GABRG3: variants seen among roughly 807,000 people sequenced by gnomAD.
The protein encoded by GABRG3 is gamma-aminobutyric acid type A receptor subunit gamma3.
GABRG3 carries 25 observed loss-of-function variants against 48.8 expected under a neutral mutation model. That is an observed-to-expected ratio of 0.51 (90% CI 0.37 to 0.72). The LOEUF is 0.72. GABRG3 is among the 30% of genes least tolerant of loss of function. GABRG3 has a pLI of 0.00. For missense variants in GABRG3, 394 were observed against 577.9 expected (o/e 0.68, Z 3.26); for synonymous variants, 227 against 217.6 (o/e 1.04, Z -0.38).
chr15:27,179,894 C>A lies in GABRG3; in HGVS notation c.271-146915C>A, dbSNP rs1417579480. 6.6e-6 allele frequency among the ~76,000 whole-genome samples: 1 copy of A among 152,116 alleles called. No individual in the cohort carries two copies. Among genetic ancestry groups the A allele is most frequent in the African/African-American group, 2.4e-5 (1 of 41,462 alleles). ...GCATAAAATAAGCTGAATGTTTGTG[C>A]CCTGTTACCAGATTGTTCTCTTGAT... On this transcript the variant is annotated intron_variant, in intron 3 of 9. Transcript: ENST00000615808. This position sits in a 1 kb window ranked among gnomAD's most constrained non-coding sequence, Gnocchi z 4.0.
At chr15:27,413,247 A>G (rs549848519) in intron 5 of GABRG3, among the ~76,000 whole-genome samples, 2 of 152,300 alleles carry the variant, frequency 1.3e-5, no homozygotes, top group South Asian at 4.1e-4. Context: ...TATTCAATGA[A>G]GTAATTACAA....
chr15:27,307,155 TA>T lies in GABRG3; in HGVS notation c.271-19649del, dbSNP rs1290375776. ...ACATGTTTATACATATATAAACATATAAAAACATGTTTATACATAATATATA... is the reference window on the plus strand; with the variant it reads ...ACATGTTTATACATATATAAACATATAAAACATGTTTATACATAATATATA... On this transcript the variant is annotated intron_variant, in intron 3 of 9. Transcript: ENST00000615808. 2.3e-3 allele frequency among the ~76,000 whole-genome samples: 308 copies of T among 136,420 alleles called. 6 individuals are homozygous for T. The highest frequency in any genetic ancestry group is 7.3e-3 in the African/African-American group (275 of 37,640). 89.5% of individuals were successfully genotyped at this position (136,420 alleles called of 152,430 possible). A position where few individuals can be genotyped will look rare whatever the true frequency, so the allele number is the denominator to read the frequency against.
At chr15:27,349,251 A>G (rs1183438042) in intron 5 of GABRG3, among the ~76,000 whole-genome samples, 1 of 152,140 alleles carries the variant, frequency 6.6e-6, no homozygotes, top group African/African-American at 2.4e-5. Context: ...TGTATAAATT[A>G]TATATAATTG....
intron 3 of GABRG3, among the ~76,000 whole-genome samples, chr15:27,052,190 G>A (rs56757355): frequency 0.14 from 21,638 of 152,138 alleles, 2,446 homozygotes; most frequent in African/African-American, 0.32. Context: ...AGGATGGTGT[G>A]TTCTCTGTCC....
At chr15:27,284,465 C>T (rs1891542614) in intron 3 of GABRG3, among the ~76,000 whole-genome samples, 1 of 152,000 alleles carries the variant, frequency 6.6e-6, no homozygotes, top group East Asian at 1.9e-4. Context: ...GTAAGAATAC[C>T]ACGACATTTT....
At chr15:27,406,045 T>A (rs1025052301) in intron 5 of GABRG3, among the ~76,000 whole-genome samples, 1 of 152,150 alleles carries the variant, frequency 6.6e-6, no homozygotes, top group African/African-American at 2.4e-5. Flanking sequence ...TAATCCCAGC[T>A]ACATGAGAAG....
chr15:27,454,687 C>T (rs1214901298), intron 5 of GABRG3, among the ~76,000 whole-genome samples: 1 of 152,166 alleles, frequency 6.6e-6, no homozygotes, highest in Non-Finnish European at 1.5e-5. Context: ...GCCACAGAAA[C>T]AAAGCAGCTA....
intron 3 of GABRG3, among the ~76,000 whole-genome samples, chr15:27,027,287 TG>T (rs1183433096): frequency 6.6e-6 from 1 of 152,150 alleles, no homozygotes; most frequent in African/African-American, 2.4e-5. Context: ...GAAGTGAGTG[TG>T]GGGGTATTGA....
At chr15:27,178,800 G>A (rs777011087) in intron 3 of GABRG3, among the ~76,000 whole-genome samples, 2 of 152,180 alleles carry the variant, frequency 1.3e-5, no homozygotes, top group Non-Finnish European at 1.5e-5. Context: ...TCTTTTCTGG[G>A]TATGAGGCAG....
At position 27,284,685 on chromosome 15, in the gene GABRG3, C is replaced by T. The variant is rs143486476; in HGVS notation, c.271-42124C>T. Among the ~76,000 whole-genome samples the T allele has an allele frequency of 4.7e-3, 716 of 152,232 alleles. 9 individuals carry two copies. The highest frequency in any genetic ancestry group is 0.016 in the African/African-American group (677 of 41,522). ...ATAAGCAAGATTTGACAAGAGTTTC[C>T]ATGGAGACAGAACATAACTTATTAC... On this transcript the variant is annotated intron_variant, in intron 3 of 9. Coordinates refer to ENST00000615808, the MANE Select transcript of GABRG3 (RefSeq NM_033223.5).
At chr15:27,488,738 G>T (rs1395173755) in intron 6 of GABRG3, among the ~76,000 whole-genome samples, 1 of 152,118 alleles carries the variant, frequency 6.6e-6, no homozygotes, top group Non-Finnish European at 1.5e-5. Flanking sequence ...CAAATATTTA[G>T]TTGTCATCTT....
Position 27,382,628 on chromosome 15 carries a change from G to C in GABRG3, c.574+53740G>C, listed in dbSNP as rs565001661. ...TGGAAAATAAATGGGAGGAGAACGA[G>C]AGTACATGCAGGGAGACCAACAGAA... On this transcript the variant is annotated intron_variant, in intron 5 of 9. Coordinates refer to ENST00000615808, the MANE Select transcript of GABRG3 (RefSeq NM_033223.5). Among the ~76,000 whole-genome samples the C allele has an allele frequency of 1.4e-4, 21 of 152,318 alleles. No homozygotes were observed. In the East Asian group the frequency reaches 2.3e-3, roughly 17 times the overall value.
At chr15:27,133,326 T>C (rs1342814781) in intron 3 of GABRG3, among the ~76,000 whole-genome samples, 2 of 152,220 alleles carry the variant, frequency 1.3e-5, no homozygotes, top group African/African-American at 2.4e-5. Context: ...AATTAATACC[T>C]ATGAATGTTC....
intron 3 of GABRG3, among the ~76,000 whole-genome samples, chr15:27,315,028 G>A (rs868350501): frequency 8.5e-5 from 13 of 152,194 alleles, no homozygotes; most frequent in Middle Eastern, 3.4e-3. Context: ...TGTATCATAC[G>A]CTTAAAATTT....
intron 5 of GABRG3, among the ~76,000 whole-genome samples, chr15:27,451,436 G>A (rs1327009377): frequency 6.6e-6 from 1 of 152,120 alleles, no homozygotes; most frequent in Non-Finnish European, 1.5e-5. Context: ...CATGAAATGG[G>A]GAAAGGACAG....
chr15:27,351,493 G>A (rs778064146), intron 5 of GABRG3, among the ~76,000 whole-genome samples: 6 of 146,134 alleles, frequency 4.1e-5, no homozygotes, highest in Non-Finnish European at 9.0e-5. Context: ...TGTGTATGGT[G>A]TGTGTGTGTT....
intron 2 of GABRG3, among the ~76,000 whole-genome samples, chr15:27,019,631 A>C (rs1895850629): frequency 6.6e-6 from 1 of 152,162 alleles, no homozygotes; most frequent in African/African-American, 2.4e-5. Context: ...GAACTGAAGG[A>C]AGGTTGGTGA....
At chr15:27,317,935 C>T (rs553294187) in intron 3 of GABRG3, among the ~76,000 whole-genome samples, 53 of 152,250 alleles carry the variant, frequency 3.5e-4, no homozygotes, top group Admixed American at 2.0e-3. Context: ...ATTCAAAACA[C>T]GGAACACTCT....
chr15:27,469,060 A>C (rs1182193634), intron 5 of GABRG3, among the ~76,000 whole-genome samples: 2 of 152,204 alleles, frequency 1.3e-5, no homozygotes, highest in Non-Finnish European at 2.9e-5. Context: ...AGCACTATCC[A>C]TGGTTTCCAG....
Sources: allele counts gnomAD v4.1 joint callset (sites outside exome capture counted in the v4.1 genomes callset), GRCh38; gene constraint gnomAD v4.1.1; non-coding constraint Gnocchi (gnomAD v3.1); transcripts MANE v1.5; gene names NCBI Gene and HGNC (gene_info 2026-07-23, HGNC 2026-07-21).